Variants in STK35 observed in about 807,000 individuals in gnomAD.
STK35 encodes the protein serine/threonine-protein kinase 35.
STK35 carries 17 observed loss-of-function variants against 37.3 expected under a neutral mutation model. The ratio of observed to expected loss-of-function variants is 0.46; its 90% CI spans 0.31 to 0.68. STK35 has a LOEUF of 0.68. Ranked by LOEUF, STK35 falls within the 30% of genes least tolerant of loss-of-function variation. The probability of loss-of-function intolerance (pLI) is 0.05; values close to 1 mark genes in which losing one functional copy is unlikely to be tolerated. For synonymous variants in STK35, 385 were observed against 319.1 expected (o/e 1.21, Z -2.20); for missense variants, 595 against 746.7 (o/e 0.80, Z 2.37).
Position 2,102,012 on chromosome 20 carries a change from C to CAGCG in STK35, c.136_139dup (p.Ala47GlufsTer71). 1 of 1,527,618 alleles carries CAGCG rather than the reference C, an allele frequency of 6.5e-7. No individual in the cohort carries two copies. The highest frequency in any genetic ancestry group is 8.8e-7 in the Non-Finnish European group (1 of 1,142,846). The allele number at this position is 1,527,618 out of a possible 1,614,324, so 94.6% of individuals were successfully genotyped here. The stretch of plus-strand genomic sequence containing the variant: ...GGGAGCCTAGGAGCCCAGGCTTCCC[C>CAGCG]AGCGAGCGCCGCGGCAGCAGAAGGA... On this transcript the variant is annotated frameshift_variant, in exon 1 of 4. Coordinates refer to ENST00000381482, the MANE Select transcript of STK35 (RefSeq NM_080836.4). LOFTEE classifies it high-confidence loss of function.
intron 2 of STK35, among the ~76,000 whole-genome samples, chr20:2,106,785 T>C (rs1262630999): frequency 1.3e-5 from 2 of 152,240 alleles, no homozygotes; most frequent in East Asian, 3.8e-4. Context: ...TCTCCTTCCA[T>C]TCTGTGCACA....
intron 3 of STK35, among the ~76,000 whole-genome samples, chr20:2,125,655 C>T (rs1346921086): frequency 6.6e-6 from 1 of 152,226 alleles, no homozygotes; most frequent in Non-Finnish European, 1.5e-5. Flanking sequence ...CACACTGTGG[C>T]AGGGCCACCA....
Position 2,102,985 on chromosome 20 carries a change from G to A in STK35, c.512G>A (p.Arg171Gln), listed in dbSNP as rs779313444. 2.1e-6 allele frequency: 3 copies of A among 1,415,716 alleles called. No individual in the cohort carries two copies. Among genetic ancestry groups the A allele is most frequent in the Non-Finnish European group, 9.2e-7 (1 of 1,092,162 alleles). 87.7% of individuals were successfully genotyped at this position (1,415,716 alleles called of 1,614,324 possible). A position where few individuals can be genotyped will look rare whatever the true frequency, so the allele number is the denominator to read the frequency against. Residue 171 changes from arginine (R) to glutamine (Q), a missense_variant, in exon 2 of 4, where the codon CGG (arginine) becomes CAG (glutamine). Arg to Gln is a conservative substitution (Grantham distance 43). This residue lies in a region of STK35 where 389 missense variants were observed against 320.0 expected (regional missense o/e 1.22). Coordinates refer to ENST00000381482, the MANE Select transcript of STK35 (RefSeq NM_080836.4). ...STKLRPAAAA[R>Q]AMDPVAAEAP... ...AAGCTGAGGCCGGCGGCGGCGGCCC[G>A]GGCCATGGATCCGGTGGCGGCCGAG...
At chr20:2,112,917 G>A (rs1600602683) in intron 2 of STK35, among the ~76,000 whole-genome samples, 1 of 152,150 alleles carries the variant, frequency 6.6e-6, no homozygotes, top group African/African-American at 2.4e-5. Flanking sequence ...TGAATTTCAT[G>A]TGGGGATTTT....
intron 2 of STK35, among the ~76,000 whole-genome samples, chr20:2,112,181 T>C (rs1203029764): frequency 6.6e-6 from 1 of 152,238 alleles, no homozygotes; most frequent in Non-Finnish European, 1.5e-5. Context: ...GAGCATTTTG[T>C]ATTTCTTTAC....
chr20:2,110,009 C>G (rs1266449351), intron 2 of STK35, among the ~76,000 whole-genome samples: 1 of 152,238 alleles, frequency 6.6e-6, no homozygotes, highest in Non-Finnish European at 1.5e-5. Flanking sequence ...TTAGGAAGTA[C>G]TTTGGACACA....
chr20:2,101,936 G>A lies in STK35; in HGVS notation c.55G>A (p.Val19Ile). 2.0e-6 allele frequency: 3 copies of A among 1,499,152 alleles called. No individual in the cohort carries two copies. Among genetic ancestry groups the A allele is most frequent in the Middle Eastern group, 3.7e-4 (2 of 5,414 alleles). The allele number at this position is 1,499,152 out of a possible 1,614,324, so 92.9% of individuals were successfully genotyped here. ...GGCGCCGGCGGGAGGTGCAGCTTATGTAAAGAGGTTATGTAAAGGGCTCAG... is the reference window on the plus strand; with the variant it reads ...GGCGCCGGCGGGAGGTGCAGCTTATATAAAGAGGTTATGTAAAGGGCTCAG... ...ARAPAGGAAYVKRLCKGLSWR... is the reference protein window; with the variant it reads ...ARAPAGGAAYIKRLCKGLSWR... Residue 19 changes from valine to isoleucine, a missense_variant, in exon 1 of 4, where the codon GTA becomes ATA. Physicochemically the swap from Val to Ile is conservative, Grantham distance 29. This residue lies in a region of STK35 where 389 missense variants were observed against 320.0 expected (regional missense o/e 1.22). Coordinates refer to ENST00000381482, the MANE Select transcript of STK35 (RefSeq NM_080836.4).
In STK35 at chr20:2,102,424, A is replaced by C. The variant is rs543884673; in HGVS notation, c.294+249A>C. On this transcript the variant is annotated intron_variant, in intron 1 of 3. Coordinates refer to ENST00000381482, the MANE Select transcript of STK35 (RefSeq NM_080836.4). ...CGGGGCGCGGGGAGGAGCGTCACAG[A>C]GGGGGCCAAGCAAAGAAAAATATTT... Among the ~76,000 whole-genome samples the C allele has an allele frequency of 2.0e-5, 3 of 152,276 alleles. No individual in the cohort carries two copies. The South Asian group carries it at 6.2e-4, about 32-fold the overall frequency.
At chr20:2,130,120 A>G (rs968065659) in intron 3 of STK35, among the ~76,000 whole-genome samples, 4 of 152,122 alleles carry the variant, frequency 2.6e-5, no homozygotes, top group African/African-American at 9.7e-5. Context: ...GTAAGAGTGA[A>G]TGTTGCAGCA....
intron 2 of STK35, among the ~76,000 whole-genome samples, chr20:2,110,852 G>C (rs2076224259): frequency 6.6e-6 from 1 of 152,170 alleles, no homozygotes; most frequent in African/African-American, 2.4e-5. Flanking sequence ...GTGCGATTTT[G>C]CTGCAGGCAC....
At chr20:2,143,200 T>G (rs531338448) in intron 3 of STK35, among the ~76,000 whole-genome samples, 4 of 152,128 alleles carry the variant, frequency 2.6e-5, no homozygotes, top group African/African-American at 4.8e-5. Flanking sequence ...CAGCAGACAG[T>G]GCAGGCCCAG....
In STK35 at chr20:2,101,994, T is replaced by C. The variant is rs1262531978; in HGVS notation, c.113T>C (p.Leu38Pro). 5 of 1,527,494 alleles carry C rather than the reference T, an allele frequency of 3.3e-6. No individual in the cohort carries two copies. Among genetic ancestry groups the C allele is most frequent in the Non-Finnish European group, 4.4e-6 (5 of 1,142,498 alleles). 94.6% of individuals were successfully genotyped at this position (1,527,494 alleles called of 1,614,324 possible). A position where few individuals can be genotyped will look rare whatever the true frequency, so the allele number is the denominator to read the frequency against. The part of the protein sequence containing the change: ...WREHVESHGS[L>P]GAQASPASAA... ...GAACACGTGGAAAGCCACGGGAGCC[T>C]AGGAGCCCAGGCTTCCCCAGCGAGC... Residue 38 changes from leucine (L) to proline (P), a missense_variant, in exon 1 of 4, where the codon CTA becomes CCA. Leu to Pro is a moderately conservative substitution (Grantham distance 98, BLOSUM62 -3). Around this residue, in one of 3 missense-constraint regions of STK35, gnomAD observed 389 missense variants for 320.0 expected, o/e 1.22. Transcript: ENST00000381482.
chr20:2,120,222 A>G (rs2122558703), intron 3 of STK35, among the ~76,000 whole-genome samples: 1 of 152,308 alleles, frequency 6.6e-6, no homozygotes, highest in South Asian at 2.1e-4. Context: ...TGTCATAACT[A>G]ATTGAGATCA....
chr20:2,143,453 C>A (rs780749969), intron 3 of STK35, among the ~76,000 whole-genome samples: 1 of 152,170 alleles, frequency 6.6e-6, no homozygotes, highest in Non-Finnish European at 1.5e-5. Context: ...AGGGTGGGCC[C>A]TGCGGTGTCT....
At chr20:2,137,958 G>C (rs1291872005) in intron 3 of STK35, among the ~76,000 whole-genome samples, 1 of 152,184 alleles carries the variant, frequency 6.6e-6, no homozygotes, top group African/African-American at 2.4e-5. Flanking sequence ...AGGCCTGCTT[G>C]CTCCACAGCA....
chr20:2,105,570 G>A (rs185875532), intron 2 of STK35, among the ~76,000 whole-genome samples: 2 of 152,226 alleles, frequency 1.3e-5, no homozygotes, highest in Admixed American at 6.5e-5. Context: ...AAAACATGGA[G>A]CAAATTGTTT....
chr20:2,137,215 A>G (rs1305470476), intron 3 of STK35, among the ~76,000 whole-genome samples: 1 of 152,148 alleles, frequency 6.6e-6, no homozygotes, highest in African/African-American at 2.4e-5. Flanking sequence ...GTGTACTATC[A>G]CTGGTCTTTG....
At chr20:2,123,710 C>T (rs1985858037) in intron 3 of STK35, among the ~76,000 whole-genome samples, 1 of 152,186 alleles carries the variant, frequency 6.6e-6, no homozygotes, top group African/African-American at 2.4e-5. Flanking sequence ...TCAAAGCAGT[C>T]TCTGTAGGGT....
intron 3 of STK35, among the ~76,000 whole-genome samples, chr20:2,139,605 A>AGGCCC: frequency 6.6e-6 from 1 of 152,262 alleles, no homozygotes; most frequent in South Asian, 2.1e-4. Flanking sequence ...TCTGAGCTTC[A>AGGCCC]GTTTTCTCAT....
Sources: allele counts gnomAD v4.1 joint callset (sites outside exome capture counted in the v4.1 genomes callset), GRCh38; gene constraint gnomAD v4.1.1; regional missense constraint gnomAD v4.1.1; transcripts MANE v1.5; gene names NCBI Gene and HGNC (gene_info 2026-07-23, HGNC 2026-07-21).